Variants in CCDC66 observed in about 807,000 individuals in gnomAD.
The protein encoded by CCDC66 is coiled-coil domain-containing protein 66.
In CCDC66, 133 loss-of-function variants were observed where a neutral mutation model predicts 128.3. The ratio of observed to expected loss-of-function variants is 1.04; its 90% CI spans 0.90 to 1.20. The LOEUF (loss-of-function observed/expected upper bound fraction) is 1.20, where lower values mean the gene tolerates loss of function less well. Ranked by LOEUF, CCDC66 falls within the 50% of genes most tolerant of loss-of-function variation. The pLI is 0.00. For synonymous variants in CCDC66, 387 were observed against 357.0 expected, an observed-to-expected ratio of 1.08 and a Z score of -0.95; for missense variants, 1,126 against 1,075.5, an observed-to-expected ratio of 1.05 and a Z score of -0.66.
At chr3:56,582,982 A>G (rs968334932) in intron 7 of CCDC66, among the ~76,000 whole-genome samples, 3 of 150,794 alleles carry the variant, frequency 2.0e-5, no homozygotes, top group South Asian at 2.1e-4. Flanking sequence ...GGCTCAAGCA[A>G]TCCTCCCATC....
chr3:56,604,041 T>C (rs144163234), intron 10 of CCDC66, among the ~76,000 whole-genome samples: 4,865 of 152,200 alleles, frequency 0.032, 116 homozygotes, highest in Middle Eastern at 0.078. Flanking sequence ...CATTATGTAA[T>C]GGCCTTCTTT....
chr3:56,572,914 T>G (rs528789127), intron 7 of CCDC66: 1 of 152,418 alleles, frequency 6.6e-6, no homozygotes, highest in South Asian at 2.1e-4. Context: ...AGAACTCATT[T>G]TGGAAAATTC....
intron 7 of CCDC66, among the ~76,000 whole-genome samples, chr3:56,579,195 A>G (rs2107989541): frequency 6.6e-6 from 1 of 151,956 alleles, no homozygotes; most frequent in Admixed American, 6.6e-5. Flanking sequence ...TTATTTGTGT[A>G]GAGGTGTTTA....
intron 7 of CCDC66, among the ~76,000 whole-genome samples, chr3:56,581,101 G>T (rs2068284391): frequency 6.7e-6 from 1 of 149,378 alleles, no homozygotes; most frequent in South Asian, 2.1e-4. Flanking sequence ...GGCTTTGTTT[G>T]TTTCTTTTTA....
chr3:56,577,753 C>A (rs1487520516), intron 7 of CCDC66, among the ~76,000 whole-genome samples: 1 of 151,620 alleles, frequency 6.6e-6, no homozygotes, highest in Non-Finnish European at 1.5e-5. Flanking sequence ...ATTTCTGAGG[C>A]CTCTGTTCTG....
chr3:56,575,165 TTG>T (rs1447485177), intron 7 of CCDC66, among the ~76,000 whole-genome samples: 1 of 151,888 alleles, frequency 6.6e-6, no homozygotes, highest in Non-Finnish European at 1.5e-5. Context: ...GTGTTAAATT[TTG>T]TGTTAAACTG....
At chr3:56,569,316 T>C (rs1037673759) in intron 6 of CCDC66, 2 of 332,718 alleles carry the variant, frequency 6.0e-6, no homozygotes, top group Admixed American at 5.5e-5. Context: ...CCCACAGTTT[T>C]GCAGACTGTA....
At chr3:56,611,217 C>G (rs920080390) in intron 10 of CCDC66, among the ~76,000 whole-genome samples, 18 of 152,044 alleles carry the variant, frequency 1.2e-4, no homozygotes, top group African/African-American at 4.1e-4. Context: ...TGTCTGAGGT[C>G]AGGCTCTCCT....
intron 4 of CCDC66, among the ~76,000 whole-genome samples, chr3:56,565,678 G>GTCGCCCAGGCTGGAGTCTCGCTGCA (rs1355327424): frequency 1.8e-4 from 27 of 150,074 alleles, no homozygotes; most frequent in Non-Finnish European, 2.7e-4. Flanking sequence ...GTCTCGCTGC[G>GTCGCCCAGGCTGGAGTCTCGCTGCA]TCGCCCAGGC....
chr3:56,587,877 TAAAATA>T (rs1398771951), intron 7 of CCDC66, among the ~76,000 whole-genome samples: 9 of 151,980 alleles, frequency 5.9e-5, no homozygotes, highest in African/African-American at 1.4e-4. Context: ...AAAATAAAAG[TAAAATA>T]AAAATAAAAA....
rs1167010145 is a variant in CCDC66 at position 56,621,507 on chromosome 3, C to G, written c.2761-25C>G. 3 of 1,479,708 alleles carry G rather than the reference C, an allele frequency of 2.0e-6. No individual in the cohort carries two copies. In the African/African-American group the frequency reaches 4.2e-5, roughly 21 times the overall value. The allele number at this position is 1,479,708 out of a possible 1,614,324, so 91.7% of individuals were successfully genotyped here. A position where few individuals can be genotyped will look rare whatever the true frequency, so the allele number is the denominator to read the frequency against. On this transcript the variant is annotated intron_variant, in intron 17 of 17. Coordinates refer to ENST00000394672, the MANE Select transcript of CCDC66 (RefSeq NM_001141947.3). ...AAGTCAGGTGTGCACATTTTACTAA[C>G]AAACATATATCAATGTGATTTCAGG...
Position 56,613,617 on chromosome 3 carries a change from A to G in CCDC66, c.1433A>G (p.Lys478Arg), listed in dbSNP as rs778903500. The G allele has an allele frequency of 1.2e-5, 19 of 1,613,610 alleles. No homozygotes were observed. The highest frequency in any genetic ancestry group is 8.5e-6 in the Non-Finnish European group (10 of 1,179,816). ...GCCATCACTGCCCAGGTAGAAGAGA[A>G]GCGCAGGAAGAAACAACTGGAGGAA... ...QKAITAQVEE[K>R]RRKKQLEEEQ... The change falls in exon 11 of 18, where the codon AAG becomes AGG. Residue 478 changes from lysine (K) to arginine (R), a missense_variant. Physicochemically the swap from Lys to Arg is conservative, Grantham distance 26. Coordinates refer to ENST00000394672, the MANE Select transcript of CCDC66 (RefSeq NM_001141947.3).
At chr3:56,576,976 G>C (rs1344846786) in intron 7 of CCDC66, among the ~76,000 whole-genome samples, 1 of 151,800 alleles carries the variant, frequency 6.6e-6, no homozygotes, top group African/African-American at 2.4e-5. Flanking sequence ...TCTAGTTCTA[G>C]ATCCTTGAGG....
At chr3:56,598,139 GT>G (rs1349475235) in intron 10 of CCDC66, among the ~76,000 whole-genome samples, 4 of 117,680 alleles carry the variant, frequency 3.4e-5, no homozygotes, top group African/African-American at 1.4e-4. Flanking sequence ...ATTTTAGTTT[GT>G]TTTGTTTTGT....
intron 7 of CCDC66, among the ~76,000 whole-genome samples, chr3:56,577,301 A>G (rs142255511): frequency 3.3e-5 from 5 of 151,632 alleles, no homozygotes; most frequent in African/African-American, 1.2e-4. Context: ...TGTTTAAGTT[A>G]TTTATAGATT....
rs1299912052 is a variant in CCDC66, at chr3:56,615,143, A to G, written c.1582A>G (p.Lys528Glu). 2 of 1,613,544 alleles carry G rather than the reference A, an allele frequency of 1.2e-6. No individual in the cohort carries two copies. Among genetic ancestry groups the G allele is most frequent in the Admixed American group, 3.3e-5 (2 of 59,932 alleles). ...QKQKEEIMTL[K>E]TNELFQTMQR... ...ATATTGACAGGAAATCATGACTCTC[A>G]AGACAAATGAGCTATTCCAGACAAT... The change falls in exon 12 of 18, where the codon AAG becomes GAG. Residue 528 changes from lysine (K) to glutamate (E), a missense_variant. Coordinates refer to ENST00000394672, the MANE Select transcript of CCDC66 (RefSeq NM_001141947.3).
rs970387619 is a variant in CCDC66, at chr3:56,602,604, C to T, written c.1404+8576C>T. Among the ~76,000 whole-genome samples the T allele has an allele frequency of 2.6e-5, 4 of 152,070 alleles. No individual in the cohort carries two copies. The South Asian group carries it at 6.2e-4, about 24-fold the overall frequency. ...GAATTCTGCTGTGAATCCGTCTGGTCCTGGACTTCTTTTGGTTGGTAGGCT... is the reference window on the plus strand; with the variant it reads ...GAATTCTGCTGTGAATCCGTCTGGTTCTGGACTTCTTTTGGTTGGTAGGCT... On this transcript the variant is annotated intron_variant, in intron 10 of 17. Coordinates refer to ENST00000394672, the MANE Select transcript of CCDC66 (RefSeq NM_001141947.3).
chr3:56,566,915 A>G (rs1413682317), intron 5 of CCDC66, 35 bp from the exon 6 acceptor site: 2 of 1,555,294 alleles, frequency 1.3e-6, no homozygotes, highest in East Asian at 2.2e-5. Context: ...GAAATGTATG[A>G]TACAGTTTCT....
At chr3:56,561,376 T>C (rs796954102) in intron 3 of CCDC66, 20 of 417,382 alleles carry the variant, frequency 4.8e-5, no homozygotes, top group South Asian at 3.5e-4. Flanking sequence ...TCTTGGATTT[T>C]TGGTAGGCCT....
Sources: allele counts gnomAD v4.1 joint callset (sites outside exome capture counted in the v4.1 genomes callset), GRCh38; gene constraint gnomAD v4.1.1; transcripts MANE v1.5; gene names NCBI Gene and HGNC (gene_info 2026-07-23, HGNC 2026-07-21).